The following PHF21A variants were observed in gnomAD, a reference collection of about 807,000 sequenced individuals.
PHF21A encodes the protein BHC80a.
A neutral mutation model predicts 82.5 loss-of-function variants in PHF21A; 11 were observed. The observed-to-expected ratio is 0.13, with a 90% CI of 0.08 to 0.22. The LOEUF is 0.22. PHF21A is among the 10% of genes least tolerant of loss of function. PHF21A has a pLI of 1.00. For synonymous variants in PHF21A, 297 were observed against 302.8 expected (o/e 0.98, Z 0.20); for missense variants, 579 against 837.8 (o/e 0.69, Z 3.81).
chr11:46,079,675 G>C (rs141622916), intron 4 of PHF21A, among the ~76,000 whole-genome samples: 1 of 152,136 alleles, frequency 6.6e-6, no homozygotes, highest in Non-Finnish European at 1.5e-5. Flanking sequence ...GTGCAGGGGA[G>C]GATAAGTTCA....
At position 46,079,163 on chromosome 11, in the gene PHF21A, G is replaced by A; in HGVS notation, c.58C>T (p.Leu20=). ...LKVEIQVHQK[L]VAQMKQDPQN... ...GGATCCTGCTTCATTTGAGCAACCAGTTTCTGGTAATAAAGAGAGAAAAAG... is the reference window on the plus strand; with the variant it reads ...GGATCCTGCTTCATTTGAGCAACCAATTTCTGGTAATAAAGAGAGAAAAAG... Residue 20 remains leucine (L), a synonymous_variant, in exon 5 of 19, where the codon CTG becomes TTG. Transcript: ENST00000676320. 1 of 1,595,888 alleles carries A rather than the reference G, an allele frequency of 6.3e-7. No individual in the cohort carries two copies. The highest frequency in any genetic ancestry group is 1.3e-5 in the African/African-American group (1 of 74,620).
intron 7 of PHF21A, among the ~76,000 whole-genome samples, chr11:45,972,293 C>T (rs1255840414): frequency 2.0e-5 from 3 of 151,976 alleles, no homozygotes; most frequent in African/African-American, 7.2e-5. Context: ...GAATCAGTTA[C>T]AAAACAAACA....
At chr11:45,934,366 T>A in intron 18 of PHF21A, 141 bp from the exon 19 acceptor site, 1 of 839,654 alleles carries the variant, frequency 1.2e-6, no homozygotes. Flanking sequence ...CCTTGCTGTG[T>A]TCCTCAGTGG....
At chr11:45,969,986 T>G in intron 8 of PHF21A, 82 bp from the exon 9 acceptor site, 1 of 895,666 alleles carries the variant, frequency 1.1e-6, no homozygotes, top group East Asian at 2.6e-5. Flanking sequence ...ATCACTATTC[T>G]TTGGATCAGA....
chr11:45,946,215 AG>A, intron 14 of PHF21A: 1 of 1,078,134 alleles, frequency 9.3e-7, no homozygotes, highest in Non-Finnish European at 1.4e-6. Flanking sequence ...TCTCAAGAGA[AG>A]GGAGGATAAG....
chr11:46,079,731 C>G (rs1284071351), intron 4 of PHF21A, among the ~76,000 whole-genome samples: 1 of 151,846 alleles, frequency 6.6e-6, no homozygotes, highest in African/African-American at 2.4e-5. Flanking sequence ...AGTGCAGGAA[C>G]AATACAAAAC....
rs915822239 is a variant in PHF21A at position 46,014,746 on chromosome 11, C to T, written c.154-34780G>A. Among the ~76,000 whole-genome samples, 10 of 47,442 alleles carry T rather than the reference C, an allele frequency of 2.1e-4. 4 individuals carry two copies. The Admixed American group carries it at 2.2e-3, about 10-fold the overall frequency. 31.1% of individuals were successfully genotyped at this position (47,442 alleles called of 152,430 possible). A position where few individuals can be genotyped will look rare whatever the true frequency, so the allele number is the denominator to read the frequency against. Reference sequence around the variant, plus strand: ...CTGTAATCCCAGCACTTTGGGAGGCCGAGGCGGGCGGATCACGAGGTCAGG... The same window carrying T: ...CTGTAATCCCAGCACTTTGGGAGGCTGAGGCGGGCGGATCACGAGGTCAGG... On this transcript the variant is annotated intron_variant, in intron 6 of 18. Transcript: ENST00000676320.
Position 45,950,868 on chromosome 11 carries a change from C to T in PHF21A, c.1096-611G>A, listed in dbSNP as rs578058945. Among the ~76,000 whole-genome samples the T allele has an allele frequency of 1.8e-4, 27 of 152,324 alleles. No homozygotes were observed. In the South Asian group the frequency reaches 5.6e-3, roughly 32 times the overall value. On this transcript the variant is annotated intron_variant, in intron 11 of 18. Coordinates refer to ENST00000676320, the MANE Select transcript of PHF21A (RefSeq NM_001352027.3). Reference sequence around the variant, plus strand: ...ACTTGTCACGACTAGGTCAGTTTCTCACATTTATACTGCCACAATGCTAAC... The same window carrying T: ...ACTTGTCACGACTAGGTCAGTTTCTTACATTTATACTGCCACAATGCTAAC...
At chr11:46,019,119 ACAG>A (rs1468203366) in intron 6 of PHF21A, among the ~76,000 whole-genome samples, 1 of 151,894 alleles carries the variant, frequency 6.6e-6, no homozygotes, top group Non-Finnish European at 1.5e-5. Flanking sequence ...TTTGAAACTC[ACAG>A]ACTCCATTTG....
intron 10 of PHF21A, among the ~76,000 whole-genome samples, chr11:45,958,449 T>TATATATACACAC (rs780397923): frequency 0.038 from 566 of 14,866 alleles, 34 homozygotes; most frequent in Non-Finnish European, 0.056. Context: ...TATATATATA[T>TATATATACACAC]ACACACACAC....
rs1488858909 is a variant in PHF21A at position 45,998,346 on chromosome 11, T to TA, written c.154-18381dup. 3.9e-5 allele frequency among the ~76,000 whole-genome samples: 6 copies of TA among 152,266 alleles called. No homozygotes were observed. In the South Asian group the frequency reaches 1.2e-3, roughly 32 times the overall value. On this transcript the variant is annotated intron_variant, in intron 6 of 18. Coordinates refer to ENST00000676320, the MANE Select transcript of PHF21A (RefSeq NM_001352027.3). Reference sequence around the variant, plus strand: ...TGTGAAAGGATGTTAGGGCCATGGATAGAGTGGTAGGCAGTATAAGGTTTG... The same window carrying TA: ...TGTGAAAGGATGTTAGGGCCATGGATAAGAGTGGTAGGCAGTATAAGGTTTG...
intron 6 of PHF21A, among the ~76,000 whole-genome samples, chr11:46,069,648 G>T (rs890746259): frequency 1.3e-5 from 2 of 152,088 alleles, no homozygotes; most frequent in African/African-American, 2.4e-5. Context: ...ATAGATAAAG[G>T]TCTACAGTTA....
intron 6 of PHF21A, among the ~76,000 whole-genome samples, chr11:46,028,494 A>G (rs550746594): frequency 1.3e-5 from 2 of 152,072 alleles, no homozygotes; most frequent in East Asian, 3.9e-4. Flanking sequence ...CTGAAACTCT[A>G]AGACTTCCTG....
Position 45,932,677 on chromosome 11 carries a change from G to A in PHF21A, c.*1291C>T, listed in dbSNP as rs2087775792. The A allele has an allele frequency of 6.6e-6, 1 of 152,426 alleles. No homozygotes were observed. The highest frequency in any genetic ancestry group is 2.4e-5 in the African/African-American group (1 of 41,346). 9.4% of individuals were successfully genotyped at this position (152,426 alleles called of 1,614,324 possible). A position where few individuals can be genotyped will look rare whatever the true frequency, so the allele number is the denominator to read the frequency against. ...TTGATCTTAATTTAAGTAACACTAGGAAGACCTCAATATCTTTTATTTTCC... is the reference window on the plus strand; with the variant it reads ...TTGATCTTAATTTAAGTAACACTAGAAAGACCTCAATATCTTTTATTTTCC... On this transcript the variant is annotated 3_prime_UTR_variant, in exon 19 of 19. Transcript: ENST00000676320. This position sits in a 1 kb window ranked among gnomAD's most constrained non-coding sequence, Gnocchi z 4.3.
chr11:45,980,092 C>A, intron 6 of PHF21A, 126 bp from the exon 7 acceptor site: 1 of 1,351,288 alleles, frequency 7.4e-7, no homozygotes, highest in Non-Finnish European at 1.0e-6. Flanking sequence ...TAAATTTACA[C>A]AGGTTCTACA....
chr11:46,008,753 T>G (rs1038765927), intron 6 of PHF21A, among the ~76,000 whole-genome samples: 2 of 152,164 alleles, frequency 1.3e-5, no homozygotes, highest in African/African-American at 4.8e-5. Flanking sequence ...CTGAATATAA[T>G]TTTTGTTAGA....
intron 13 of PHF21A, among the ~76,000 whole-genome samples, 179 bp downstream of exon 13, chr11:45,949,223 A>G (rs2091765926): frequency 6.6e-6 from 1 of 152,236 alleles, no homozygotes; most frequent in Non-Finnish European, 1.5e-5. Context: ...TAGGAAAAAA[A>G]CCTAAGGGGT....
chr11:46,097,710 C>T (rs551030941), intron 1 of PHF21A, among the ~76,000 whole-genome samples: 1 of 152,222 alleles, frequency 6.6e-6, no homozygotes, highest in Admixed American at 6.5e-5. Context: ...TCCTAATTCC[C>T]AATTCTTCCT....
intron 9 of PHF21A, among the ~76,000 whole-genome samples, chr11:45,966,191 A>G (rs1003340873): frequency 2.1e-4 from 7 of 33,414 alleles, no homozygotes; most frequent in Admixed American, 4.5e-4. Context: ...CTATGTACTG[A>G]AGACTCACAC....
Sources: allele counts gnomAD v4.1 joint callset (sites outside exome capture counted in the v4.1 genomes callset), GRCh38; gene constraint gnomAD v4.1.1; non-coding constraint Gnocchi (gnomAD v3.1); transcripts MANE v1.5; gene names NCBI Gene and HGNC (gene_info 2026-07-23, HGNC 2026-07-21).